Variants in MALRD1 observed in about 807,000 individuals in gnomAD.
MALRD1 encodes the protein MAM and LDL receptor class A domain containing 1, also known as MAM and LDL-receptor class A domain-containing protein 1.
A neutral mutation model predicts 242.1 loss-of-function variants in MALRD1; 247 were observed. That is an observed-to-expected ratio of 1.02 (90% CI 0.92 to 1.13). MALRD1 has a LOEUF of 1.13. MALRD1 is among the 50% of genes most tolerant of loss of function. MALRD1 has a pLI of 0.00. For missense variants in MALRD1, 2,989 were observed against 2,533.1 expected, an observed-to-expected ratio of 1.18 and a Z score of -3.86; for synonymous variants, 995 against 866.6, an observed-to-expected ratio of 1.15 and a Z score of -2.60.
At chr10:19,283,313 T>G in intron 21 of MALRD1, 132 bp downstream of exon 21, 1 of 742,366 alleles carries the variant, frequency 1.3e-6, no homozygotes. Flanking sequence ...AAGGAGGCTG[T>G]TTTCTTTCAT....
intron 28 of MALRD1, among the ~76,000 whole-genome samples, chr10:19,435,385 A>G (rs1456708825): frequency 5.3e-5 from 8 of 152,028 alleles, no homozygotes; most frequent in Admixed American, 5.2e-4. Context: ...TCCATACCTT[A>G]TCCAGATTTC....
At chr10:19,184,875 C>T (rs1835670220) in intron 14 of MALRD1, among the ~76,000 whole-genome samples, 1 of 152,158 alleles carries the variant, frequency 6.6e-6, no homozygotes, top group Non-Finnish European at 1.5e-5. Context: ...ACATTCAACA[C>T]ATTTTGCCAA....
At chr10:19,611,567 A>C (rs974904203) in intron 35 of MALRD1, among the ~76,000 whole-genome samples, 1 of 152,010 alleles carries the variant, frequency 6.6e-6, no homozygotes, top group South Asian at 2.1e-4. Flanking sequence ...CCAGAGAGAC[A>C]TTGCTGTGGC....
intron 18 of MALRD1, among the ~76,000 whole-genome samples, chr10:19,253,598 A>G (rs999338913): frequency 1.3e-5 from 2 of 151,922 alleles, no homozygotes; most frequent in African/African-American, 2.4e-5. Flanking sequence ...CACAGCCACA[A>G]GTATTTTTTA....
At chr10:19,725,543 C>G (rs1589448339) in intron 38 of MALRD1, among the ~76,000 whole-genome samples, 1 of 152,188 alleles carries the variant, frequency 6.6e-6, no homozygotes, top group African/African-American at 2.4e-5. Context: ...CAGCAACCTG[C>G]AGATTCAAGG....
chr10:19,520,102 C>T (rs901621611), intron 31 of MALRD1, among the ~76,000 whole-genome samples: 3 of 152,074 alleles, frequency 2.0e-5, no homozygotes, highest in African/African-American at 7.2e-5. Flanking sequence ...TTGAGTCGTT[C>T]ACGGAAGAGG....
intron 21 of MALRD1, among the ~76,000 whole-genome samples, chr10:19,295,819 G>C (rs1442411196): frequency 6.6e-6 from 1 of 152,248 alleles, no homozygotes; most frequent in East Asian, 1.9e-4. Flanking sequence ...CTGGAGATTT[G>C]TTAAAACACA....
chr10:19,605,709 A>G (rs182596735), intron 34 of MALRD1, among the ~76,000 whole-genome samples: 61 of 152,120 alleles, frequency 4.0e-4, no homozygotes, highest in Admixed American at 9.8e-4. Flanking sequence ...TCCGTATGCT[A>G]AAGGAATTCT....
intron 32 of MALRD1, among the ~76,000 whole-genome samples, chr10:19,546,293 C>T (rs997878237): frequency 6.6e-6 from 1 of 152,178 alleles, no homozygotes; most frequent in African/African-American, 2.4e-5. Flanking sequence ...TGATGTAAAG[C>T]ACTAGCTGTT....
chr10:19,608,010 A>G (rs1427898166), intron 35 of MALRD1, 108 bp downstream of exon 35: 3 of 1,372,660 alleles, frequency 2.2e-6, no homozygotes, highest in Non-Finnish European at 2.9e-6. Flanking sequence ...AGCATGGAAT[A>G]ATTGAATTTC....
At chr10:19,419,279 C>A (rs1833628661) in intron 28 of MALRD1, among the ~76,000 whole-genome samples, 1 of 151,634 alleles carries the variant, frequency 6.6e-6, no homozygotes, top group Admixed American at 6.6e-5. Flanking sequence ...TTCTTTCTTT[C>A]TTTCTTTGTT....
chr10:19,730,039 T>A (rs1193207020), intron 38 of MALRD1, among the ~76,000 whole-genome samples: 3 of 152,234 alleles, frequency 2.0e-5, no homozygotes, highest in African/African-American at 7.2e-5. Context: ...GCCCGGCCTA[T>A]AAGTCTATTA....
At chr10:19,111,119 C>A (rs1448269522) in intron 5 of MALRD1, among the ~76,000 whole-genome samples, 1 of 150,226 alleles carries the variant, frequency 6.7e-6, no homozygotes, top group African/African-American at 2.5e-5. Context: ...GAACTATATA[C>A]TGGGACAAAG....
chr10:19,352,835 A>G (rs1844452414), intron 26 of MALRD1, among the ~76,000 whole-genome samples: 1 of 152,120 alleles, frequency 6.6e-6, no homozygotes, highest in Admixed American at 6.6e-5. Flanking sequence ...TTGAGTTGGC[A>G]GATGTTCAGT....
At chr10:19,216,119 C>CTTTTTTTTTTTTTTTTTTT (rs753559077) in intron 18 of MALRD1, among the ~76,000 whole-genome samples, 1 of 122,814 alleles carries the variant, frequency 8.1e-6, no homozygotes, top group Non-Finnish European at 1.6e-5. Context: ...TTCTTTCTTT[C>CTTTTTTTTTTTTTTTTTTT]TTTTTTTTTT....
chr10:19,189,829 C>T (rs182697330), intron 14 of MALRD1, among the ~76,000 whole-genome samples: 11 of 152,096 alleles, frequency 7.2e-5, no homozygotes, highest in Admixed American at 6.6e-4. Context: ...TAATAAAAGC[C>T]ATGTATGAAA....
At chr10:19,727,554 A>C (rs1178896217) in intron 38 of MALRD1, among the ~76,000 whole-genome samples, 2 of 152,194 alleles carry the variant, frequency 1.3e-5, no homozygotes. Context: ...AATTTATATG[A>C]ATGCATGATA....
chr10:19,553,179 C>T (rs1835566501), intron 32 of MALRD1, among the ~76,000 whole-genome samples: 1 of 151,920 alleles, frequency 6.6e-6, no homozygotes, highest in Non-Finnish European at 1.5e-5. Flanking sequence ...AGGTGCAGCC[C>T]TCAAGAAACT....
Position 19,430,992 on chromosome 10 carries a change from C to T in MALRD1, c.4846-19315C>T, listed in dbSNP as rs143580515. Among the ~76,000 whole-genome samples the T allele has an allele frequency of 2.4e-3, 359 of 152,046 alleles. 4 individuals are homozygous for T. The East Asian group carries it at 0.045, about 19-fold the overall frequency. ...GGATTCTAATCTTTAGTTAATAAGC[C>T]ATTTTTTAATTTTAATTTTTATTTC... is the stretch of plus-strand genomic sequence containing the variant. On this transcript the variant is annotated intron_variant, in intron 28 of 39. Transcript: ENST00000454679.
Sources: allele counts gnomAD v4.1 joint callset (sites outside exome capture counted in the v4.1 genomes callset), GRCh38; gene constraint gnomAD v4.1.1; transcripts MANE v1.5; gene names NCBI Gene and HGNC (gene_info 2026-07-23, HGNC 2026-07-21).